Variants in DGKD observed in about 807,000 individuals in gnomAD.
The protein encoded by DGKD is DAG kinase delta.
DGKD carries 68 observed loss-of-function variants against 154.4 expected under a neutral mutation model. The ratio of observed to expected loss-of-function variants is 0.44; its 90% CI spans 0.36 to 0.54. The LOEUF (loss-of-function observed/expected upper bound fraction) is 0.54, where lower values mean the gene tolerates loss of function less well. Among genes scored for constraint, DGKD ranks in the 20% least tolerant of loss-of-function variants. The pLI is 0.00. For synonymous variants in DGKD, 693 were observed against 638.0 expected (o/e 1.09, Z -1.30); for missense variants, 1,343 against 1,593.6 (o/e 0.84, Z 2.68).
chr2:233,401,510 C>T (rs563533586), intron 3 of DGKD, among the ~76,000 whole-genome samples: 1 of 152,262 alleles, frequency 6.6e-6, no homozygotes, highest in Non-Finnish European at 1.5e-5. Context: ...TTACTACTCC[C>T]TGGGTCATGG....
intron 16 of DGKD, among the ~76,000 whole-genome samples, chr2:233,450,433 G>A (rs1311142990): frequency 2.6e-5 from 4 of 152,058 alleles, no homozygotes; most frequent in Non-Finnish European, 5.9e-5. Context: ...GAACCACACT[G>A]GGCCCCAGAA....
At chr2:233,413,340 A>G (rs1403979788) in intron 3 of DGKD, among the ~76,000 whole-genome samples, 8 of 151,848 alleles carry the variant, frequency 5.3e-5, no homozygotes, top group Non-Finnish European at 1.2e-4. Context: ...AGAGTTTACC[A>G]GTGAAATGAT....
At chr2:233,406,802 G>T (rs1471675213) in intron 3 of DGKD, among the ~76,000 whole-genome samples, 1 of 152,148 alleles carries the variant, frequency 6.6e-6, no homozygotes, top group African/African-American at 2.4e-5. Context: ...CACTTCTGCG[G>T]ACATCCTCCC....
chr2:233,396,736 T>A (rs1704062642), intron 3 of DGKD, among the ~76,000 whole-genome samples: 1 of 152,040 alleles, frequency 6.6e-6, no homozygotes, highest in African/African-American at 2.4e-5. Flanking sequence ...TTGGTGTGTG[T>A]CTGTGTGTTT....
rs1169496746 is a variant in DGKD, at chr2:233,445,938, GATAAAA to G, written c.1334+178_1334+183del. Among the ~76,000 whole-genome samples, 2 of 152,186 alleles carry G rather than the reference GATAAAA, an allele frequency of 1.3e-5. No individual in the cohort carries two copies. The highest frequency in any genetic ancestry group is 2.9e-5 in the Non-Finnish European group (2 of 68,032). On this transcript the variant is annotated intron_variant, in intron 11 of 29. Transcript: ENST00000264057. The surrounding 1 kb of genome is among the most constrained non-coding windows in gnomAD (Gnocchi z 5.5). The stretch of plus-strand genomic sequence containing the variant: ...TGATATTTGGTCAGATTATGACAAG[GATAAAA>G]ACAAAACAGGTTAAGAACCAGCCAT...
At chr2:233,388,179 A>G (rs1357260173) in intron 1 of DGKD, 78 bp from the exon 2 acceptor site, 2 of 1,574,182 alleles carry the variant, frequency 1.3e-6, no homozygotes, top group Non-Finnish European at 1.7e-6. Context: ...TTTCAGCCGC[A>G]ACAGGCTGCG....
chr2:233,454,768 A>G lies in DGKD; in HGVS notation c.2270A>G (p.Tyr757Cys), dbSNP rs1164864461. ...PFNSEPETLE[Y>C]YTEKCVMNNY... ...TTTAAAACTCACCTTTGCAGAGAGT[A>G]TTACACGGAGAAATGTGTCATGAAC... The change falls in exon 19 of 30, where the codon TAT becomes TGT. Residue 757 changes from tyrosine (Y) to cysteine (C), a missense_variant. Physicochemically the swap from Tyr to Cys is radical, Grantham distance 194. Coordinates refer to ENST00000264057, the MANE Select transcript of DGKD (RefSeq NM_152879.3). The G allele has an allele frequency of 6.2e-7, 1 of 1,601,250 alleles. No homozygotes were observed. Among genetic ancestry groups the G allele is most frequent in the Non-Finnish European group, 8.6e-7 (1 of 1,168,250 alleles).
rs567160560 is a variant in DGKD, at chr2:233,405,472, T to G, written c.348+14989T>G. On this transcript the variant is annotated intron_variant, in intron 3 of 29. Coordinates refer to ENST00000264057, the MANE Select transcript of DGKD (RefSeq NM_152879.3). ...GGCGGAGGTTGCAGTGAGCCGAGAT[T>G]GTGCCATTGCACTCCAGCCTGGGCA... is the stretch of plus-strand genomic sequence containing the variant. Among the ~76,000 whole-genome samples the G allele has an allele frequency of 1.9e-4, 29 of 151,582 alleles. 1 individual carries two copies. In the East Asian group the frequency reaches 5.4e-3, roughly 28 times the overall value.
chr2:233,426,813 A>C (rs1221600368), intron 3 of DGKD, among the ~76,000 whole-genome samples: 1 of 152,188 alleles, frequency 6.6e-6, no homozygotes, highest in Non-Finnish European at 1.5e-5. Flanking sequence ...AAGTAGTTGC[A>C]CCAAATTGCA....
chr2:233,378,121 TC>T (rs200518883), intron 1 of DGKD, among the ~76,000 whole-genome samples: 18,361 of 147,766 alleles, frequency 0.12, 1,632 homozygotes, highest in African/African-American at 0.26. Flanking sequence ...TTTTTTTTTT[TC>T]TAAATTTGAG....
rs770281675 is a variant in DGKD, at chr2:233,460,348, G to A, written c.2981+3G>A. The A allele has an allele frequency of 2.5e-6, 4 of 1,613,830 alleles. No homozygotes were observed. Among genetic ancestry groups the A allele is most frequent in the African/African-American group, 1.3e-5 (1 of 75,034 alleles). On this transcript the variant is annotated splice_donor_region_variant and intron_variant, in intron 24 of 29. Transcript: ENST00000264057. Reference sequence around the variant, plus strand: ...GCAGCAGGGGTCCTCATTCACAGGTGGGCTCCTACCCCTCTGCGTTGCGCA... The same window carrying A: ...GCAGCAGGGGTCCTCATTCACAGGTAGGCTCCTACCCCTCTGCGTTGCGCA...
At position 233,448,391 on chromosome 2, in the gene DGKD, C is replaced by T; in HGVS notation, c.1614+16C>T. The stretch of plus-strand genomic sequence containing the variant: ...GGCCAAGAAGGTCTGTTCCCGTGCC[C>T]TGGGTGGGAGGGGCATTGAGGCAGC... On this transcript the variant is annotated intron_variant, in intron 14 of 29. Transcript: ENST00000264057. 9 of 1,610,148 alleles carry T rather than the reference C, an allele frequency of 5.6e-6. No individual in the cohort carries two copies. The highest frequency in any genetic ancestry group is 1.3e-5 in the African/African-American group (1 of 74,884).
At chr2:233,375,306 A>G (rs1038020112) in intron 1 of DGKD, among the ~76,000 whole-genome samples, 2 of 152,060 alleles carry the variant, frequency 1.3e-5, no homozygotes, top group Non-Finnish European at 2.9e-5. Context: ...AGGAAAAAAA[A>G]GAAAAAAAAG....
In DGKD at chr2:233,454,811, C is replaced by T. The variant is rs1277388040; in HGVS notation, c.2313C>T (p.Gly771=). 6.2e-7 allele frequency: 1 copy of T among 1,613,960 alleles called. No homozygotes were observed. Among genetic ancestry groups the T allele is most frequent in the Non-Finnish European group, 8.5e-7 (1 of 1,179,908 alleles). The part of the protein sequence containing the change: ...KCVMNNYFGI[G]LDAKISLDFN... ...TCATGAACAACTATTTTGGCATTGG[C>T]CTGGATGCGAAGATATCCCTGGACT... Residue 771 remains glycine, a synonymous_variant, in exon 19 of 30, where the codon GGC becomes GGT. Coordinates refer to ENST00000264057, the MANE Select transcript of DGKD (RefSeq NM_152879.3).
intron 3 of DGKD, among the ~76,000 whole-genome samples, chr2:233,403,960 G>A (rs1403368197): frequency 1.3e-5 from 2 of 151,834 alleles, no homozygotes; most frequent in African/African-American, 4.8e-5. Flanking sequence ...CTTTTTAATA[G>A]GCACACATTA....
In DGKD at chr2:233,459,930, G is replaced by C; in HGVS notation, c.2829+39G>C. On this transcript the variant is annotated intron_variant, in intron 23 of 29. Transcript: ENST00000264057. The surrounding 1 kb of genome is among the most constrained non-coding windows in gnomAD (Gnocchi z 5.7). Reference sequence around the variant, plus strand: ...CCCGCGGTACCTGGGTGGGGTACAGGGCTCACCTGTGGGCTCTTGTGTGCA... The same window carrying C: ...CCCGCGGTACCTGGGTGGGGTACAGCGCTCACCTGTGGGCTCTTGTGTGCA... 6.2e-7 allele frequency: 1 copy of C among 1,603,296 alleles called. No individual in the cohort carries two copies. The highest frequency in any genetic ancestry group is 1.7e-4 in the Middle Eastern group (1 of 5,972).
chr2:233,420,996 C>T (rs139778194), intron 3 of DGKD, among the ~76,000 whole-genome samples: 9 of 152,122 alleles, frequency 5.9e-5, no homozygotes, highest in African/African-American at 1.4e-4. Context: ...GACTGGTGAT[C>T]GTCAAATTAC....
Position 233,441,962 on chromosome 2 carries a change from C to T in DGKD, c.1161C>T (p.Leu387=), listed in dbSNP as rs552826683. The T allele has an allele frequency of 4.8e-4, 781 of 1,614,140 alleles. 16 individuals are homozygous for T. The South Asian group carries it at 8.2e-3, about 17-fold the overall frequency. The change falls in exon 10 of 30, where the codon CTC becomes CTT. Residue 387 remains leucine (L), a synonymous_variant. Coordinates refer to ENST00000264057, the MANE Select transcript of DGKD (RefSeq NM_152879.3). This position sits in a 1 kb window ranked among gnomAD's most constrained non-coding sequence, Gnocchi z 5.6. ...CGGDGSVGWV[L]SEIDSLNLHK... Reference sequence around the variant, plus strand: ...GGGATGGAAGTGTTGGCTGGGTCCTCTCCGAAATCGACAGCCTCAACCTTC... The same window carrying T: ...GGGATGGAAGTGTTGGCTGGGTCCTTTCCGAAATCGACAGCCTCAACCTTC...
At position 233,387,915 on chromosome 2, in the gene DGKD, G is replaced by GC. The variant is rs150083123; in HGVS notation, c.157-338dup. Among the ~76,000 whole-genome samples, 512 of 152,278 alleles carry GC rather than the reference G, an allele frequency of 3.4e-3. 4 individuals are homozygous for GC. Among genetic ancestry groups the GC allele is most frequent in the African/African-American group, 0.012 (483 of 41,554 alleles). Reference sequence around the variant, plus strand: ...AATGCTGAAGTTGGAGAATGCACTGGCCCCGCGTCCCAGTGTCCTCCCAGC... The same window carrying GC: ...AATGCTGAAGTTGGAGAATGCACTGGCCCCCGCGTCCCAGTGTCCTCCCAGC... On this transcript the variant is annotated intron_variant, in intron 1 of 29. Coordinates refer to ENST00000264057, the MANE Select transcript of DGKD (RefSeq NM_152879.3).
Sources: gnomAD v4.1 joint callset for allele counts (sites outside exome capture counted in the v4.1 genomes callset) on GRCh38, gnomAD v4.1.1 for gene constraint, Gnocchi (gnomAD v3.1) non-coding constraint, MANE v1.5 for transcripts, NCBI Gene and HGNC (gene_info 2026-07-23, HGNC 2026-07-21) for gene names.